Variants in LRP1B observed in about 807,000 individuals in gnomAD.
LRP1B encodes the protein low-density lipoprotein receptor-related protein 1B.
In LRP1B, 217 loss-of-function variants were observed where a neutral mutation model predicts 556.6. The observed-to-expected ratio is 0.39, with a 90% CI of 0.35 to 0.44. LRP1B has a LOEUF of 0.44. Ranked by LOEUF, LRP1B falls within the 20% of genes least tolerant of loss-of-function variation. The pLI, the probability that LRP1B is intolerant of heterozygous loss-of-function variation, is 1.00. For missense variants in LRP1B, 5,053 were observed against 5,620.8 expected (o/e 0.90, Z 3.23); for synonymous variants, 2,047 against 1,865.8 (o/e 1.10, Z -2.50).
rs1286393768 is a variant in LRP1B at position 140,601,511 on chromosome 2, C to G, written c.6928G>C (p.Ala2310Pro). The G allele has an allele frequency of 1.9e-6, 3 of 1,613,102 alleles. No individual in the cohort carries two copies. The highest frequency in any genetic ancestry group is 2.5e-6 in the Non-Finnish European group (3 of 1,179,376). ...TCATCTTCTGACATGGTGATGACAGCTTCCCTGTCAAATGCTCCAGGCCGA... is the reference window on the plus strand; with the variant it reads ...TCATCTTCTGACATGGTGATGACAGGTTCCCTGTCAAATGCTCCAGGCCGA... The part of the protein sequence containing the change: ...QTRPGAFDRE[A>P]VITMSEDDHP... Residue 2310 changes from alanine (A) to proline (P), a missense_variant, in exon 42 of 91, where the codon GCT becomes CCT. This residue lies in a region of LRP1B where 3,619 missense variants were observed against 3,931.9 expected (regional missense o/e 0.92). Coordinates refer to ENST00000389484, the MANE Select transcript of LRP1B (RefSeq NM_018557.3).
chr2:141,751,464 A>G (rs1052058023), intron 2 of LRP1B, among the ~76,000 whole-genome samples: 1 of 152,142 alleles, frequency 6.6e-6, no homozygotes, highest in Admixed American at 6.5e-5. Context: ...GTGATAAAAA[A>G]TTTACCAACT....
chr2:141,177,134 C>A (rs958283146), intron 7 of LRP1B, among the ~76,000 whole-genome samples: 6 of 152,040 alleles, frequency 3.9e-5, no homozygotes, highest in African/African-American at 1.2e-4. Context: ...AATCAGGCAT[C>A]TTTTTACCTC....
At chr2:140,801,882 C>T (rs971729653) in intron 32 of LRP1B, among the ~76,000 whole-genome samples, 4 of 151,822 alleles carry the variant, frequency 2.6e-5, no homozygotes, top group Admixed American at 6.6e-5. Flanking sequence ...GCTGTAGCTC[C>T]GACAAGAAGT....
intron 66 of LRP1B, among the ~76,000 whole-genome samples, chr2:140,422,910 G>A (rs967482841): frequency 7.2e-5 from 11 of 152,126 alleles, no homozygotes; most frequent in African/African-American, 2.7e-4. Context: ...TTTTATTGCG[G>A]CTTAGAAATG....
At chr2:140,543,845 C>A (rs948212198) in intron 43 of LRP1B, among the ~76,000 whole-genome samples, 3 of 151,824 alleles carry the variant, frequency 2.0e-5, no homozygotes, top group Non-Finnish European at 4.4e-5. Flanking sequence ...GGATACCAGG[C>A]TGTTATTAAA....
rs1681648448 is a variant in LRP1B at position 141,456,792 on chromosome 2, T to C, written c.343+23604A>G. On this transcript the variant is annotated intron_variant, in intron 3 of 90. Transcript: ENST00000389484. Reference sequence around the variant, plus strand: ...TTTCAAGTAGTGGGAACAAGATATATGAAACTGAAGAGCCATTGAATGATT... The same window carrying C: ...TTTCAAGTAGTGGGAACAAGATATACGAAACTGAAGAGCCATTGAATGATT... Among the ~76,000 whole-genome samples the C allele has an allele frequency of 3.3e-5, 5 of 152,162 alleles. No individual in the cohort carries two copies. In the South Asian group the frequency reaches 1.0e-3, roughly 31 times the overall value.
intron 7 of LRP1B, among the ~76,000 whole-genome samples, chr2:141,134,807 T>G (rs920713219): frequency 2.0e-4 from 31 of 151,754 alleles, no homozygotes; most frequent in Non-Finnish European, 4.4e-5. Context: ...CATGATTTCA[T>G]AGTCACATTT....
chr2:142,116,594 T>A (rs1707284819), intron 1 of LRP1B, among the ~76,000 whole-genome samples: 1 of 152,168 alleles, frequency 6.6e-6, no homozygotes, highest in African/African-American at 2.4e-5. Context: ...CCCTCATTAA[T>A]AATGTTGTCT....
intron 3 of LRP1B, among the ~76,000 whole-genome samples, chr2:141,351,474 T>G (rs978859695): frequency 6.6e-6 from 1 of 151,928 alleles, no homozygotes; most frequent in African/African-American, 2.4e-5. Flanking sequence ...TATATACAAA[T>G]AGTGATAGTA....
rs1697904848 is a variant in LRP1B at position 141,852,645 on chromosome 2, T to G, written c.83-42244A>C. On this transcript the variant is annotated intron_variant, in intron 1 of 90. Coordinates refer to ENST00000389484, the MANE Select transcript of LRP1B (RefSeq NM_018557.3). ...GAGCAAAAGTGAGAAGAGATTCAAG[T>G]ACATATGGAAATTAACATATAATAA... 2.0e-5 allele frequency among the ~76,000 whole-genome samples: 3 copies of G among 151,808 alleles called. No individual in the cohort carries two copies. In the South Asian group the frequency reaches 6.2e-4, roughly 31 times the overall value.
chr2:140,411,954 T>C (rs1684985241), intron 66 of LRP1B, among the ~76,000 whole-genome samples: 1 of 152,138 alleles, frequency 6.6e-6, no homozygotes, highest in Admixed American at 6.5e-5. Context: ...ATTTCACAAA[T>C]CTTTTACAAT....
chr2:141,188,891 A>C (rs1408038070), intron 6 of LRP1B, among the ~76,000 whole-genome samples: 1 of 152,020 alleles, frequency 6.6e-6, no homozygotes, highest in African/African-American at 2.4e-5. Context: ...ATTTGTCCAA[A>C]ATAGTTCATT....
intron 2 of LRP1B, among the ~76,000 whole-genome samples, chr2:141,713,568 T>C (rs978602): frequency 0.2 from 30,286 of 152,118 alleles, 3,256 homozygotes; most frequent in South Asian, 0.28. Context: ...AACTTAACTC[T>C]AATATACAAA....
chr2:141,903,978 CA>C (rs1489089879), intron 1 of LRP1B, among the ~76,000 whole-genome samples: 1 of 151,826 alleles, frequency 6.6e-6, no homozygotes, highest in Non-Finnish European at 1.5e-5. Flanking sequence ...AGATCAATGT[CA>C]GGGGCCTTGG....
chr2:140,636,933 C>G (rs1451443421), intron 41 of LRP1B, among the ~76,000 whole-genome samples: 1 of 152,084 alleles, frequency 6.6e-6, no homozygotes, highest in East Asian at 1.9e-4. Context: ...CTAAAGCCAC[C>G]AGATTGAGAA....
intron 18 of LRP1B, among the ~76,000 whole-genome samples, chr2:140,955,115 A>T (rs767800817): frequency 6.6e-6 from 1 of 151,944 alleles, no homozygotes; most frequent in Non-Finnish European, 1.5e-5. Context: ...TATCATCTAG[A>T]AATGCATAAT....
chr2:140,506,540 A>AG (rs1689421160), intron 53 of LRP1B, among the ~76,000 whole-genome samples: 1 of 152,182 alleles, frequency 6.6e-6, no homozygotes, highest in South Asian at 2.1e-4. Context: ...CACCGCACCC[A>AG]GCCCAAAGAC....
chr2:141,103,538 A>G (rs12611512), intron 7 of LRP1B, among the ~76,000 whole-genome samples: 34,264 of 128,338 alleles, frequency 0.27, 4,474 homozygotes, highest in East Asian at 0.57. Context: ...CTCTCTCTTA[A>G]AAAGTTCAGC....
chr2:142,115,592 T>TA (rs1707193184), intron 1 of LRP1B, among the ~76,000 whole-genome samples: 1 of 20,650 alleles, frequency 4.8e-5, no homozygotes, highest in African/African-American at 1.5e-4. Flanking sequence ...AATATATATA[T>TA]TATATATGTA....
Sources: gnomAD v4.1 joint callset for allele counts (sites outside exome capture counted in the v4.1 genomes callset) on GRCh38, gnomAD v4.1.1 for gene constraint, gnomAD v4.1.1 regional missense constraint, MANE v1.5 for transcripts, NCBI Gene and HGNC (gene_info 2026-07-23, HGNC 2026-07-21) for gene names.